BICRA: variants seen among roughly 807,000 people sequenced by gnomAD.
BICRA encodes BRD4 interacting chromatin remodeling complex associated protein.
In BICRA, 31 loss-of-function variants were observed where a neutral mutation model predicts 96.9. That is an observed-to-expected ratio of 0.32 (90% CI 0.24 to 0.43). BICRA has a LOEUF of 0.43. Ranked by LOEUF, BICRA falls within the 20% of genes least tolerant of loss-of-function variation. The pLI is 1.00. For synonymous variants in BICRA, 1,350 were observed against 1,071.8 expected (o/e 1.26, Z -5.07); for missense variants, 2,283 against 2,190.3 (o/e 1.04, Z -0.84).
intron 5 of BICRA, among the ~76,000 whole-genome samples, chr19:47,678,065 G>A (rs1972968179): frequency 6.6e-6 from 1 of 152,182 alleles, no homozygotes; most frequent in Non-Finnish European, 1.5e-5. Flanking sequence ...ACAGATAAGT[G>A]TTGTGGGCCT....
intron 7 of BICRA, among the ~76,000 whole-genome samples, chr19:47,692,288 G>A (rs1402153984): frequency 1.3e-5 from 2 of 151,614 alleles, no homozygotes; most frequent in South Asian, 4.2e-4. Context: ...GTGCAGTGGC[G>A]CGATCTCATT....
chr19:47,622,357 A>G (rs913687528), intron 1 of BICRA, among the ~76,000 whole-genome samples: 1 of 151,576 alleles, frequency 6.6e-6, no homozygotes, highest in African/African-American at 2.4e-5. Flanking sequence ...TTGGCCTCCC[A>G]GAGTGCTGGG....
intron 5 of BICRA, among the ~76,000 whole-genome samples, chr19:47,677,195 G>GC (rs1568567764): frequency 6.6e-6 from 1 of 152,192 alleles, no homozygotes. Flanking sequence ...TCGAGCACCT[G>GC]CCAGGGGCCG....
chr19:47,634,534 T>C (rs1972269736), intron 1 of BICRA, among the ~76,000 whole-genome samples: 1 of 152,114 alleles, frequency 6.6e-6, no homozygotes, highest in African/African-American at 2.4e-5. Flanking sequence ...CGAAACTCAC[T>C]AGGTTGTCGA....
Position 47,680,554 on chromosome 19 carries a change from G to T in BICRA, c.1384G>T (p.Ala462Ser). 6.3e-7 allele frequency: 1 copy of T among 1,587,098 alleles called. No homozygotes were observed. Among genetic ancestry groups the T allele is most frequent in the Non-Finnish European group, 8.6e-7 (1 of 1,168,170 alleles). The change falls in exon 6 of 15, where the codon GCC becomes TCC. Residue 462 changes from alanine to serine, a missense_variant. Physicochemically the swap from Ala to Ser is moderately conservative, Grantham distance 99 (BLOSUM62 1). Coordinates refer to ENST00000594866, the MANE Select transcript of BICRA (RefSeq NM_001394372.1). ...LNQGSSIVIP[A>S]QHMLPGQNQF... ...CCAAGGCAGCAGCATCGTCATCCCC[G>T]CCCAGCACATGCTGCCGGGCCAGAA...
intron 7 of BICRA, among the ~76,000 whole-genome samples, chr19:47,692,000 T>A (rs1033425375): frequency 5.3e-5 from 8 of 152,206 alleles, no homozygotes; most frequent in African/African-American, 1.7e-4. Flanking sequence ...AATCCAACTT[T>A]ACCAGGTGCC....
chr19:47,681,877 T>C (rs1973066973), intron 6 of BICRA, 99 bp from the exon 7 acceptor site: 5 of 855,764 alleles, frequency 5.8e-6, no homozygotes, highest in Middle Eastern at 6.4e-4. Flanking sequence ...CCCCATTCTC[T>C]GGAACCCTGG....
rs779595288 is a variant in BICRA at position 47,701,038 on chromosome 19, A to G, written c.3596-290A>G. The G allele has an allele frequency of 2.8e-4, 125 of 445,372 alleles. No homozygotes were observed. The highest frequency in any genetic ancestry group is 4.4e-4 in the Non-Finnish European group (110 of 250,110). 27.6% of individuals were successfully genotyped at this position (445,372 alleles called of 1,614,324 possible). A position where few individuals can be genotyped will look rare whatever the true frequency, so the allele number is the denominator to read the frequency against. On this transcript the variant is annotated intron_variant, in intron 14 of 14. Transcript: ENST00000594866. This position sits in a 1 kb window ranked among gnomAD's most constrained non-coding sequence, Gnocchi z 5.4. ...AGCGATCCCCCTCCCTTGGCCTCCCAAAGTGCTGGGATTACAGGCCTGAGC... is the reference window on the plus strand; with the variant it reads ...AGCGATCCCCCTCCCTTGGCCTCCCGAAGTGCTGGGATTACAGGCCTGAGC...
At position 47,695,414 on chromosome 19, in the gene BICRA, C is replaced by T. The variant is rs748852193; in HGVS notation, c.3126C>T (p.Leu1042=). ...AGAACAAGGCTTTTGCCAGCAACCT[C>T]CCGACCCTGAATGTGGCCAAGGCCG... ...PAENKAFASN[L]PTLNVAKAAS... is the part of the protein sequence containing the mutation. Residue 1042 remains leucine (L), a synonymous_variant, in exon 10 of 15, where the codon CTC becomes CTT. Coordinates refer to ENST00000594866, the MANE Select transcript of BICRA (RefSeq NM_001394372.1). The T allele has an allele frequency of 3.1e-6, 5 of 1,595,092 alleles. No individual in the cohort carries two copies. Among genetic ancestry groups the T allele is most frequent in the African/African-American group, 1.4e-5 (1 of 74,050 alleles).
chr19:47,633,140 G>T (rs1051389102), intron 1 of BICRA, among the ~76,000 whole-genome samples: 1 of 143,944 alleles, frequency 6.9e-6, no homozygotes, highest in Non-Finnish European at 1.5e-5. Context: ...GAGTGTGGTG[G>T]TGCGATCTCA....
At chr19:47,644,073 C>T (rs1252436257) in intron 1 of BICRA, among the ~76,000 whole-genome samples, 2 of 152,138 alleles carry the variant, frequency 1.3e-5, no homozygotes, top group Admixed American at 1.3e-4. Context: ...GGCTGGAGTG[C>T]AGTGGGGGGA....
At chr19:47,669,802 G>A (rs1265392904) in intron 1 of BICRA, among the ~76,000 whole-genome samples, 2 of 148,364 alleles carry the variant, frequency 1.3e-5, no homozygotes, top group African/African-American at 5.0e-5. Flanking sequence ...GACTACAGGC[G>A]CCCGCCAGCA....
Position 47,681,005 on chromosome 19 carries a change from C to T in BICRA, c.1835C>T (p.Thr612Ile). 1 of 1,457,564 alleles carries T rather than the reference C, an allele frequency of 6.9e-7. No individual in the cohort carries two copies. Among genetic ancestry groups the T allele is most frequent in the South Asian group, 1.3e-5 (1 of 75,172 alleles). The allele number at this position is 1,457,564 out of a possible 1,614,324, so 90.3% of individuals were successfully genotyped here. A position where few individuals can be genotyped will look rare whatever the true frequency, so the allele number is the denominator to read the frequency against. ...CAGCCGGCCACCCCTGCCGCTGCCA[C>T]CGGGGAGGCCGCGCCTGTCCTCACG... ...LVQPATPAAA[T>I]GEAAPVLTVQ... Residue 612 changes from threonine (T) to isoleucine (I), a missense_variant, in exon 6 of 15, where the codon ACC becomes ATC. By Grantham distance (89) the Thr-to-Ile change is moderately conservative. Transcript: ENST00000594866.
chr19:47,672,571 AAAG>A (rs1972883228), intron 2 of BICRA, among the ~76,000 whole-genome samples: 1 of 123,290 alleles, frequency 8.1e-6, no homozygotes, highest in Non-Finnish European at 1.7e-5. Flanking sequence ...TTGGAAAGAT[AAAG>A]AAGTGGATGG....
intron 4 of BICRA, among the ~76,000 whole-genome samples, chr19:47,674,341 AG>A (rs1326048032): frequency 1.3e-5 from 2 of 152,094 alleles, no homozygotes; most frequent in Non-Finnish European, 2.9e-5. Context: ...CCGATAGAGG[AG>A]TTGTTATTTT....
At chr19:47,628,548 A>G (rs1972173437) in intron 1 of BICRA, among the ~76,000 whole-genome samples, 1 of 152,232 alleles carries the variant, frequency 6.6e-6, no homozygotes, top group South Asian at 2.1e-4. Context: ...GAAAAAAGTC[A>G]TATAACACGA....
rs531568822 is a variant in BICRA, at chr19:47,665,979, C to T, written c.-107-4464C>T. The stretch of plus-strand genomic sequence containing the variant: ...GCTGTGGCCCAAAAGCTCTGGGAGT[C>T]GCCCCATTAGATAGCATCAACAGTG... On this transcript the variant is annotated intron_variant, in intron 1 of 14. Transcript: ENST00000594866. 7.2e-5 allele frequency among the ~76,000 whole-genome samples: 11 copies of T among 152,322 alleles called. No homozygotes were observed. In the South Asian group the frequency reaches 1.0e-3, roughly 14 times the overall value.
chr19:47,615,429 G>A (rs1018064827), intron 1 of BICRA, among the ~76,000 whole-genome samples: 2 of 152,196 alleles, frequency 1.3e-5, no homozygotes, highest in Non-Finnish European at 2.9e-5. Flanking sequence ...TCTTCCTCCT[G>A]CTTATGGCCT....
chr19:47,613,171 G>A lies in BICRA; in HGVS notation c.-108+4003G>A, dbSNP rs116636167. 7.4e-3 allele frequency among the ~76,000 whole-genome samples: 1,122 copies of A among 152,190 alleles called. 10 individuals carry two copies. The highest frequency in any genetic ancestry group is 0.025 in the African/African-American group (1,040 of 41,528). The stretch of plus-strand genomic sequence containing the variant: ...TGTGCCCCAGGCTGTGGAAGGGCCA[G>A]GGGATCAGCACCCAGAGGCCTATGA... On this transcript the variant is annotated intron_variant, in intron 1 of 14. Coordinates refer to ENST00000594866, the MANE Select transcript of BICRA (RefSeq NM_001394372.1).
Sources: gnomAD v4.1 joint callset for allele counts (sites outside exome capture counted in the v4.1 genomes callset) on GRCh38, gnomAD v4.1.1 for gene constraint, Gnocchi (gnomAD v3.1) non-coding constraint, MANE v1.5 for transcripts, NCBI Gene and HGNC (gene_info 2026-07-23, HGNC 2026-07-21) for gene names.